The following SAMMSON variants were observed in gnomAD, a reference collection of about 807,000 sequenced individuals.
SAMMSON encodes the protein long intergenic non-protein coding RNA 1212.
chr3:70,307,695 C>A (rs1702415578), intron 7 of SAMMSON, among the ~76,000 whole-genome samples: 1 of 152,118 alleles, frequency 6.6e-6, no homozygotes, highest in Admixed American at 6.6e-5. Context: ...GGCTCCACCC[C>A]ATTTTGCACA....
chr3:70,021,762 A>G (rs914954696), intron 3 of SAMMSON, among the ~76,000 whole-genome samples: 2 of 152,142 alleles, frequency 1.3e-5, no homozygotes, highest in Non-Finnish European at 1.5e-5. Context: ...AGCCTGCTCC[A>G]ATTAATAAGG....
At chr3:70,412,634 A>G (rs894239485) in intron 2 of SAMMSON, among the ~76,000 whole-genome samples, 2 of 152,250 alleles carry the variant, frequency 1.3e-5, no homozygotes, top group African/African-American at 4.8e-5. Context: ...TTTTAACACG[A>G]TATTTCCTTT....
intron 3 of SAMMSON, among the ~76,000 whole-genome samples, chr3:70,021,227 T>G (rs2067012155): frequency 6.6e-6 from 1 of 152,194 alleles, no homozygotes; most frequent in Non-Finnish European, 1.5e-5. Flanking sequence ...CAAAACACAT[T>G]TCCTGTCATA....
chr3:70,246,363 C>T (rs1321585284), intron 4 of SAMMSON, among the ~76,000 whole-genome samples: 3 of 152,090 alleles, frequency 2.0e-5, no homozygotes, highest in African/African-American at 7.2e-5. Context: ...GCTTGAACAA[C>T]ACTGCTGTTG....
chr3:70,155,442 A>G (rs1351440631), intron 4 of SAMMSON, among the ~76,000 whole-genome samples: 2 of 152,002 alleles, frequency 1.3e-5, no homozygotes, highest in East Asian at 1.9e-4. Context: ...TGCCTCTGTC[A>G]CCCTAATTTA....
At chr3:70,251,454 G>A (rs1448106866) in intron 6 of SAMMSON, among the ~76,000 whole-genome samples, 1 of 151,916 alleles carries the variant, frequency 6.6e-6, no homozygotes, top group African/African-American at 2.4e-5. Context: ...CATAATAGTG[G>A]GTATATATTA....
intron 4 of SAMMSON, among the ~76,000 whole-genome samples, chr3:70,192,702 G>A (rs892643701): frequency 6.6e-6 from 1 of 152,202 alleles, no homozygotes; most frequent in African/African-American, 2.4e-5. Context: ...AGCTACATTT[G>A]CATCTCAGAT....
chr3:70,363,457 T>C (rs924766330), intron 9 of SAMMSON, among the ~76,000 whole-genome samples: 1 of 151,932 alleles, frequency 6.6e-6, no homozygotes, highest in East Asian at 1.9e-4. Flanking sequence ...AAAAAAACCC[T>C]CTTAAAACTG....
At chr3:70,357,804 A>C (rs1029656207) in intron 8 of SAMMSON, among the ~76,000 whole-genome samples, 25 of 152,210 alleles carry the variant, frequency 1.6e-4, no homozygotes, top group Non-Finnish European at 3.5e-4. Flanking sequence ...TAAGTGATTC[A>C]TATGACAAAA....
chr3:70,086,695 G>A (rs2067286523), intron 4 of SAMMSON, among the ~76,000 whole-genome samples: 1 of 152,146 alleles, frequency 6.6e-6, no homozygotes, highest in African/African-American at 2.4e-5. Context: ...CTTAATCTGG[G>A]GCTACAGGGT....
intron 3 of SAMMSON, among the ~76,000 whole-genome samples, chr3:70,039,316 G>A (rs1363255954): frequency 6.6e-6 from 1 of 152,084 alleles, no homozygotes; most frequent in Non-Finnish European, 1.5e-5. Context: ...AACTTAGTGG[G>A]TGTTTTTGGG....
chr3:70,235,378 AC>A (rs1701597625), intron 4 of SAMMSON, among the ~76,000 whole-genome samples: 1 of 152,108 alleles, frequency 6.6e-6, no homozygotes, highest in African/African-American at 2.4e-5. Context: ...TTCATCACCC[AC>A]TCACTCCTTA....
chr3:70,277,528 G>A (rs1037839477), intron 6 of SAMMSON, among the ~76,000 whole-genome samples: 4 of 152,044 alleles, frequency 2.6e-5, no homozygotes, highest in Admixed American at 1.3e-4. Flanking sequence ...CGAACAGACC[G>A]CTTTTATTGG....
intron 3 of SAMMSON, among the ~76,000 whole-genome samples, chr3:70,048,079 G>A (rs1411772406): frequency 6.6e-6 from 1 of 151,948 alleles, no homozygotes; most frequent in Non-Finnish European, 1.5e-5. Context: ...ACACATTTTG[G>A]TTAAGAGTTT....
intron 4 of SAMMSON, among the ~76,000 whole-genome samples, chr3:70,198,332 T>A (rs955189482): frequency 6.6e-6 from 1 of 152,202 alleles, no homozygotes; most frequent in Admixed American, 6.5e-5. Flanking sequence ...CAATGGGGAG[T>A]ATATAAGCAT....
intron 3 of SAMMSON, chr3:70,070,476 A>G (rs1381508723): frequency 1.3e-5 from 2 of 151,870 alleles, no homozygotes; most frequent in Non-Finnish European, 2.9e-5. Flanking sequence ...GTTGTATGGT[A>G]TTGTTATGTT....
intron 3 of SAMMSON, chr3:70,015,015 TCACG>T (rs1559772497): frequency 6.6e-6 from 1 of 152,254 alleles, no homozygotes; most frequent in Non-Finnish European, 1.5e-5. Flanking sequence ...GTGCTGTGGC[TCACG>T]CCTGTAATCC....
chr3:70,180,891 AAG>A (rs1171727955), intron 4 of SAMMSON, among the ~76,000 whole-genome samples: 2 of 152,288 alleles, frequency 1.3e-5, no homozygotes, highest in East Asian at 3.9e-4. Context: ...TCGGTGGGGA[AAG>A]AGAACAAAGC....
chr3:70,207,811 C>T (rs1701306287), intron 4 of SAMMSON, among the ~76,000 whole-genome samples: 1 of 152,000 alleles, frequency 6.6e-6, no homozygotes, highest in African/African-American at 2.4e-5. Flanking sequence ...ATATTAGAGA[C>T]CTGAGCATCT....
Sources: gnomAD v4.1 joint callset for allele counts (sites outside exome capture counted in the v4.1 genomes callset) on GRCh38, gnomAD v4.1.1 for gene constraint, MANE v1.5 for transcripts, NCBI Gene and HGNC (gene_info 2026-07-23, HGNC 2026-07-21) for gene names.